Variants in SOX5 observed in about 807,000 individuals in gnomAD.
SOX5 encodes the protein SRY-box transcription factor 5, also known as transcription factor SOX-5.
A neutral mutation model predicts 92.0 loss-of-function variants in SOX5; 9 were observed. That is an observed-to-expected ratio of 0.10 (90% CI 0.06 to 0.17). SOX5 has a LOEUF of 0.17. SOX5 is among the 10% of genes least tolerant of loss of function. SOX5 has a pLI of 1.00. For missense variants in SOX5, 642 were observed against 944.5 expected, an observed-to-expected ratio of 0.68 and a Z score of 4.20; for synonymous variants, 344 against 336.3, an observed-to-expected ratio of 1.02 and a Z score of -0.25.
chr12:24,429,045 C>T (rs139245109), intron 1 of SOX5, among the ~76,000 whole-genome samples: 2 of 151,972 alleles, frequency 1.3e-5, no homozygotes, highest in Non-Finnish European at 2.9e-5. Context: ...TGGCCGGGCG[C>T]GGTGGCTCAC....
intron 6 of SOX5, 136 bp downstream of exon 6, chr12:23,734,548 G>T: frequency 1.6e-6 from 1 of 641,852 alleles, no homozygotes; most frequent in Non-Finnish European, 2.6e-6. Flanking sequence ...GATTTCCATG[G>T]CAGAGGAGGT....
At chr12:23,726,857 T>C (rs567787452) in intron 6 of SOX5, among the ~76,000 whole-genome samples, 3 of 152,284 alleles carry the variant, frequency 2.0e-5, no homozygotes, top group Admixed American at 6.5e-5. Context: ...ATGTTCCCAA[T>C]GCTGAAGCCC....
chr12:24,039,913 A>G (rs1313749451), intron 4 of SOX5, among the ~76,000 whole-genome samples: 1 of 152,244 alleles, frequency 6.6e-6, no homozygotes, highest in African/African-American at 2.4e-5. Context: ...CTATGCAGAT[A>G]CAATAGAAGT....
At chr12:24,348,822 G>A (rs1287685751) in intron 2 of SOX5, among the ~76,000 whole-genome samples, 3 of 152,122 alleles carry the variant, frequency 2.0e-5, no homozygotes, top group African/African-American at 7.2e-5. Context: ...TTCTCATGCT[G>A]TTCTTGTGAT....
At chr12:23,727,047 A>G (rs1051753583) in intron 6 of SOX5, among the ~76,000 whole-genome samples, 4 of 152,310 alleles carry the variant, frequency 2.6e-5, no homozygotes, top group African/African-American at 9.6e-5. Context: ...AAACAGGAAA[A>G]TAAAAATAAT....
intron 6 of SOX5, among the ~76,000 whole-genome samples, chr12:23,701,691 T>A (rs1006161): frequency 0.35 from 52,363 of 151,758 alleles, 9,300 homozygotes; most frequent in African/African-American, 0.42. Context: ...TTTTCAGTGG[T>A]AACATTTTTT....
At chr12:24,137,584 G>C (rs890985938) in intron 4 of SOX5, among the ~76,000 whole-genome samples, 1 of 152,138 alleles carries the variant, frequency 6.6e-6, no homozygotes, top group Non-Finnish European at 1.5e-5. Context: ...GTGAGCAGAA[G>C]TCACGCCACT....
rs143065116 is a variant in SOX5, at chr12:23,914,626, T to C, written c.39-18602A>G. Reference sequence around the variant, plus strand: ...ATGTAAGCAGTAAAGCAAAAGAGCTTACTGATTCCCAAGGACCTGGATATT... The same window carrying C: ...ATGTAAGCAGTAAAGCAAAAGAGCTCACTGATTCCCAAGGACCTGGATATT... On this transcript the variant is annotated intron_variant, in intron 1 of 14. Coordinates refer to ENST00000451604, the MANE Select transcript of SOX5 (RefSeq NM_006940.6). 1.4e-4 allele frequency among the ~76,000 whole-genome samples: 22 copies of C among 152,278 alleles called. No homozygotes were observed. In the East Asian group the frequency reaches 4.0e-3, roughly 28 times the overall value.
chr12:23,605,540 G>A (rs1020901631), intron 8 of SOX5, among the ~76,000 whole-genome samples: 2 of 150,938 alleles, frequency 1.3e-5, no homozygotes, highest in Non-Finnish European at 3.0e-5. Flanking sequence ...TTTGTCTTGA[G>A]ATTCCATGGA....
At chr12:24,380,614 A>ATG (rs1957729646) in intron 1 of SOX5, among the ~76,000 whole-genome samples, 1 of 152,236 alleles carries the variant, frequency 6.6e-6, no homozygotes, top group Admixed American at 6.5e-5. Context: ...TTCCAGCACT[A>ATG]GTAAATTAGT....
intron 3 of SOX5, among the ~76,000 whole-genome samples, chr12:24,271,083 T>C (rs1434948554): frequency 6.6e-6 from 1 of 152,224 alleles, no homozygotes. Context: ...AATTTCAACT[T>C]TACTAGGTAC....
chr12:24,170,872 A>C (rs1303468058), intron 4 of SOX5, among the ~76,000 whole-genome samples: 1 of 152,164 alleles, frequency 6.6e-6, no homozygotes, highest in African/African-American at 2.4e-5. Context: ...ACACTACTTC[A>C]TCTACAACAT....
rs1171259400 is a variant in SOX5 at position 23,552,386 on chromosome 12, T to C, written c.1489-5962A>G. Reference sequence around the variant, plus strand: ...AATGCAGACCGGGGAAACTCAATGATAATAATTGCTTGGACTTAACTTAGT... The same window carrying C: ...AATGCAGACCGGGGAAACTCAATGACAATAATTGCTTGGACTTAACTTAGT... On this transcript the variant is annotated intron_variant, in intron 11 of 14. Coordinates refer to ENST00000451604, the MANE Select transcript of SOX5 (RefSeq NM_006940.6). Among the ~76,000 whole-genome samples the C allele has an allele frequency of 4.0e-5, 6 of 151,828 alleles. No individual in the cohort carries two copies. In the East Asian group the frequency reaches 7.7e-4, roughly 20 times the overall value.
chr12:23,694,510 T>C (rs1455223911), intron 6 of SOX5, among the ~76,000 whole-genome samples: 1 of 152,116 alleles, frequency 6.6e-6, no homozygotes, highest in African/African-American at 2.4e-5. Flanking sequence ...CTGTGTCTAA[T>C]CAGGGGCTTA....
At chr12:24,404,641 T>C (rs1352488884) in intron 1 of SOX5, among the ~76,000 whole-genome samples, 1 of 152,046 alleles carries the variant, frequency 6.6e-6, no homozygotes, top group Non-Finnish European at 1.5e-5. Context: ...AGAGCTGAGA[T>C]GAAGTGTAGG....
intron 3 of SOX5, among the ~76,000 whole-genome samples, chr12:24,221,434 A>T (rs1960402098): frequency 6.6e-6 from 1 of 152,264 alleles, no homozygotes; most frequent in Admixed American, 6.5e-5. Flanking sequence ...TACTTAGTAG[A>T]TGAATAAATG....
At chr12:24,088,099 TAAGAGA>T (rs968283079) in intron 4 of SOX5, among the ~76,000 whole-genome samples, 37 of 152,142 alleles carry the variant, frequency 2.4e-4, no homozygotes, top group African/African-American at 8.7e-4. Context: ...TTAGAAATAC[TAAGAGA>T]AAGTATAGAT....
intron 1 of SOX5, among the ~76,000 whole-genome samples, chr12:24,372,493 A>G (rs762635816): frequency 3.9e-5 from 6 of 152,202 alleles, no homozygotes; most frequent in Admixed American, 1.3e-4. Context: ...ATAGTATTCT[A>G]TGGTGTCTAA....
At chr12:23,697,729 T>A (rs1314893509) in intron 6 of SOX5, among the ~76,000 whole-genome samples, 1 of 152,020 alleles carries the variant, frequency 6.6e-6, no homozygotes, top group African/African-American at 2.4e-5. Flanking sequence ...TTTTATAGTT[T>A]TAGTAGAGAG....
Sources: gnomAD v4.1 joint callset for allele counts (sites outside exome capture counted in the v4.1 genomes callset) on GRCh38, gnomAD v4.1.1 for gene constraint, MANE v1.5 for transcripts, NCBI Gene and HGNC (gene_info 2026-07-23, HGNC 2026-07-21) for gene names.